SNTG1: variants seen among roughly 807,000 people sequenced by gnomAD.
The protein encoded by SNTG1 is syntrophin gamma 1, also known as gamma-1-syntrophin.
In SNTG1, 39 loss-of-function variants were observed where a neutral mutation model predicts 74.7. That is an observed-to-expected ratio of 0.52 (90% CI 0.40 to 0.68). The LOEUF is 0.68. Ranked by LOEUF, SNTG1 falls within the 30% of genes least tolerant of loss-of-function variation. The pLI is 0.00. For synonymous variants in SNTG1, 254 were observed against 217.1 expected, an observed-to-expected ratio of 1.17 and a Z score of -1.49; for missense variants, 685 against 609.5, an observed-to-expected ratio of 1.12 and a Z score of -1.30.
intron 2 of SNTG1, among the ~76,000 whole-genome samples, chr8:50,266,997 C>CT (rs970639023): frequency 8.0e-5 from 12 of 150,548 alleles, no homozygotes; most frequent in African/African-American, 2.2e-4. Context: ...TTAAGACACC[C>CT]TTTTTTTTTC....
chr8:50,097,432 A>G (rs907508635), intron 1 of SNTG1, among the ~76,000 whole-genome samples: 1 of 152,024 alleles, frequency 6.6e-6, no homozygotes, highest in Non-Finnish European at 1.5e-5. Flanking sequence ...AACCACACTC[A>G]CAATCACAAA....
intron 12 of SNTG1, among the ~76,000 whole-genome samples, chr8:50,586,715 ATGT>A (rs1440803049): frequency 1.3e-5 from 2 of 152,052 alleles, no homozygotes; most frequent in Non-Finnish European, 2.9e-5. Flanking sequence ...AGCCTTTAAA[ATGT>A]TGTGAAAGAT....
intron 2 of SNTG1, among the ~76,000 whole-genome samples, chr8:50,175,824 G>A (rs2082979870): frequency 6.6e-6 from 1 of 152,110 alleles, no homozygotes; most frequent in Non-Finnish European, 1.5e-5. Flanking sequence ...AATATGGCTG[G>A]ATGCATTTCA....
intron 13 of SNTG1, among the ~76,000 whole-genome samples, chr8:50,634,691 T>C (rs1013792207): frequency 2.6e-5 from 4 of 152,170 alleles, no homozygotes; most frequent in African/African-American, 9.7e-5. Flanking sequence ...AATTTTTGCT[T>C]GTGCACATTG....
intron 2 of SNTG1, among the ~76,000 whole-genome samples, chr8:50,237,262 C>G (rs1353595209): frequency 1.3e-5 from 2 of 152,004 alleles, no homozygotes; most frequent in Non-Finnish European, 2.9e-5. Context: ...GCTCTACTCT[C>G]TACTGTCTAT....
chr8:50,785,495 C>A (rs1452389151), intron 18 of SNTG1, among the ~76,000 whole-genome samples: 4 of 151,834 alleles, frequency 2.6e-5, no homozygotes, highest in African/African-American at 9.7e-5. Context: ...TGGAATATAC[C>A]TAAAAGAAGG....
In SNTG1 at chr8:50,673,219, C is replaced by T. The variant is rs562345208; in HGVS notation, c.1038+14556C>T. On this transcript the variant is annotated intron_variant, in intron 15 of 18. Transcript: ENST00000642720. ...TTTTTCCTAATTTTGTGAAGAATGT[C>T]AATGATAGTTGGATGGGAATAGCAT... Among the ~76,000 whole-genome samples, 4 of 152,178 alleles carry T rather than the reference C, an allele frequency of 2.6e-5. No individual in the cohort carries two copies. The South Asian group carries it at 8.3e-4, about 32-fold the overall frequency.
chr8:50,347,940 A>G (rs1006293477), intron 2 of SNTG1, among the ~76,000 whole-genome samples: 19 of 152,224 alleles, frequency 1.2e-4, no homozygotes, highest in African/African-American at 4.6e-4. Flanking sequence ...TCATGAAAAT[A>G]TATATGATAT....
chr8:50,551,302 T>C (rs1229163025), intron 11 of SNTG1, among the ~76,000 whole-genome samples: 1 of 152,160 alleles, frequency 6.6e-6, no homozygotes, highest in Non-Finnish European at 1.5e-5. Context: ...AAAAGTGATA[T>C]GTATTAACTT....
At chr8:50,775,018 A>G (rs1384785346) in intron 18 of SNTG1, among the ~76,000 whole-genome samples, 2 of 150,950 alleles carry the variant, frequency 1.3e-5, no homozygotes, top group Non-Finnish European at 3.0e-5. Flanking sequence ...ATATATATAC[A>G]TGTACATATA....
At chr8:50,089,931 C>T (rs1176299924) in intron 1 of SNTG1, among the ~76,000 whole-genome samples, 3 of 152,170 alleles carry the variant, frequency 2.0e-5, no homozygotes, top group East Asian at 3.9e-4. Flanking sequence ...GACTATAAAT[C>T]ATGCTGCTAT....
intron 17 of SNTG1, among the ~76,000 whole-genome samples, chr8:50,747,066 A>C (rs1425870621): frequency 1.3e-5 from 2 of 151,604 alleles, no homozygotes; most frequent in Non-Finnish European, 2.9e-5. Flanking sequence ...ATAGTCAAAA[A>C]ACCTTATAGA....
At position 50,604,852 on chromosome 8, in the gene SNTG1, G is replaced by C. The variant is rs142281260; in HGVS notation, c.849+13935G>C. Among the ~76,000 whole-genome samples the C allele has an allele frequency of 2.4e-3, 370 of 152,202 alleles. 3 individuals are homozygous for C. The highest frequency in any genetic ancestry group is 8.5e-3 in the African/African-American group (354 of 41,536). On this transcript the variant is annotated intron_variant, in intron 13 of 18. Transcript: ENST00000642720. The stretch of plus-strand genomic sequence containing the variant: ...AGTCACAACAGCTGGAAATGTACTA[G>C]GTCTCACCTGAAGCCAGCATGTCTT...
intron 2 of SNTG1, among the ~76,000 whole-genome samples, chr8:50,353,103 T>A (rs943588118): frequency 6.6e-6 from 1 of 151,934 alleles, no homozygotes; most frequent in African/African-American, 2.4e-5. Flanking sequence ...ATGTCCTTTG[T>A]AGGGACATGG....
At chr8:50,738,724 G>C (rs1026033535) in intron 17 of SNTG1, among the ~76,000 whole-genome samples, 1 of 150,452 alleles carries the variant, frequency 6.6e-6, no homozygotes, top group African/African-American at 2.4e-5. Context: ...TAGACCAATG[G>C]AACAGAATAG....
At chr8:50,731,023 T>A (rs2095511647) in intron 17 of SNTG1, among the ~76,000 whole-genome samples, 1 of 152,186 alleles carries the variant, frequency 6.6e-6, no homozygotes, top group Admixed American at 6.6e-5. Flanking sequence ...ATGATCAGGC[T>A]CTAATAAATT....
At chr8:50,114,388 C>T (rs1009091462) in intron 1 of SNTG1, among the ~76,000 whole-genome samples, 1 of 152,022 alleles carries the variant, frequency 6.6e-6, no homozygotes, top group African/African-American at 2.4e-5. Context: ...TATGGATGAA[C>T]CTGGAGGACA....
chr8:49,963,163 A>G (rs1364853033), intron 1 of SNTG1, among the ~76,000 whole-genome samples: 1 of 152,224 alleles, frequency 6.6e-6, no homozygotes, highest in Non-Finnish European at 1.5e-5. Context: ...TCCAACCCTA[A>G]GTTAGAAAAC....
intron 2 of SNTG1, among the ~76,000 whole-genome samples, chr8:50,260,392 T>C (rs369021933): frequency 1.7e-4 from 26 of 152,000 alleles, no homozygotes; most frequent in East Asian, 5.8e-4. Flanking sequence ...ACAAGCTCAC[T>C]AAAAAACAGA....
Sources: gnomAD v4.1 joint callset for allele counts (sites outside exome capture counted in the v4.1 genomes callset) on GRCh38, gnomAD v4.1.1 for gene constraint, MANE v1.5 for transcripts, NCBI Gene and HGNC (gene_info 2026-07-23, HGNC 2026-07-21) for gene names.